RALYL: variants seen among roughly 807,000 people sequenced by gnomAD.
The protein encoded by RALYL is RALY RNA binding protein like.
In RALYL, 29 loss-of-function variants were observed where a neutral mutation model predicts 35.1. The observed-to-expected ratio is 0.83, with a 90% CI of 0.61 to 1.13. The LOEUF is 1.13. RALYL is among the 50% of genes most tolerant of loss of function. The pLI is 0.00. For synonymous variants in RALYL, 120 were observed against 127.6 expected (o/e 0.94, Z 0.40); for missense variants, 359 against 360.4 (o/e 1.00, Z 0.03).
At chr8:84,702,124 A>G (rs373674576) in intron 2 of RALYL, among the ~76,000 whole-genome samples, 51 of 152,214 alleles carry the variant, frequency 3.4e-4, no homozygotes, top group African/African-American at 1.2e-3. Context: ...GAAATAATGC[A>G]TATAACATTT....
intron 1 of RALYL, among the ~76,000 whole-genome samples, chr8:84,238,299 G>A (rs2131532585): frequency 6.6e-6 from 1 of 151,960 alleles, no homozygotes; most frequent in East Asian, 1.9e-4. Flanking sequence ...CATATTATGA[G>A]GGAAATTATT....
rs543930129 is a variant in RALYL, at chr8:84,688,118, GT to G, written c.257-86450del. Among the ~76,000 whole-genome samples, 597 of 146,746 alleles carry G rather than the reference GT, an allele frequency of 4.1e-3. 1 individual carries two copies. Among genetic ancestry groups the G allele is most frequent in the Non-Finnish European group, 4.4e-3 (290 of 66,314 alleles). On this transcript the variant is annotated intron_variant, in intron 2 of 8. Transcript: ENST00000521268. ...ACTAAGCTACTTCTCACTCCTCATA[GT>G]TTTTTTTTTTCTTTAGCTTAGGAAC...
intron 2 of RALYL, among the ~76,000 whole-genome samples, chr8:84,721,980 T>TGCAGG (rs1373537785): frequency 6.6e-6 from 1 of 152,110 alleles, no homozygotes; most frequent in African/African-American, 2.4e-5. Flanking sequence ...TTAAAGTTAT[T>TGCAGG]GCAGGTGAAA....
intron 2 of RALYL, among the ~76,000 whole-genome samples, chr8:84,549,112 C>T (rs1588121686): frequency 6.6e-6 from 1 of 152,276 alleles, no homozygotes; most frequent in East Asian, 1.9e-4. Context: ...CTTTCTCCCA[C>T]ACAGATACAG....
At chr8:84,732,683 T>TATATATATATACACACACACAC in intron 2 of RALYL, among the ~76,000 whole-genome samples, 2 of 133,234 alleles carry the variant, frequency 1.5e-5, no homozygotes. Flanking sequence ...TATATATATA[T>TATATATATATACACACACACAC]ACACACACAC....
chr8:84,888,524 C>T (rs553835929), intron 8 of RALYL, among the ~76,000 whole-genome samples: 5 of 152,160 alleles, frequency 3.3e-5, no homozygotes, highest in Admixed American at 1.3e-4. Flanking sequence ...GTATATATGT[C>T]GCCAACTTCC....
intron 2 of RALYL, among the ~76,000 whole-genome samples, chr8:84,745,680 C>T (rs1373454981): frequency 6.6e-6 from 1 of 151,860 alleles, no homozygotes; most frequent in Non-Finnish European, 1.5e-5. Flanking sequence ...CCTTCTAGGC[C>T]CTCTCCTCAA....
intron 1 of RALYL, among the ~76,000 whole-genome samples, chr8:84,275,433 G>C (rs1330972321): frequency 6.6e-6 from 1 of 151,504 alleles, no homozygotes; most frequent in East Asian, 1.9e-4. Flanking sequence ...TTTTTAAATT[G>C]ACAGATAAAA....
intron 1 of RALYL, among the ~76,000 whole-genome samples, chr8:84,505,835 T>A (rs189831460): frequency 2.6e-4 from 39 of 152,276 alleles, no homozygotes; most frequent in Admixed American, 2.6e-3. Context: ...TATTATTAGA[T>A]GGTAAGGTTA....
At chr8:84,497,936 C>T (rs2056246167) in intron 1 of RALYL, among the ~76,000 whole-genome samples, 1 of 147,496 alleles carries the variant, frequency 6.8e-6, no homozygotes, top group South Asian at 2.2e-4. Flanking sequence ...GAACCACGCC[C>T]AGCCTAAGGT....
At chr8:84,216,536 A>G (rs1820876601) in intron 1 of RALYL, among the ~76,000 whole-genome samples, 1 of 152,148 alleles carries the variant, frequency 6.6e-6, no homozygotes, top group Non-Finnish European at 1.5e-5. Flanking sequence ...CATCTCACAT[A>G]GTTTCTCTGT....
intron 1 of RALYL, among the ~76,000 whole-genome samples, chr8:84,206,935 AATC>A (rs140469481): frequency 3.0e-3 from 452 of 152,300 alleles, no homozygotes; most frequent in African/African-American, 0.01. Flanking sequence ...AATGTTACAT[AATC>A]ATCAGGAAAT....
intron 7 of RALYL, among the ~76,000 whole-genome samples, chr8:84,882,870 A>G (rs2135378227): frequency 6.6e-6 from 1 of 152,186 alleles, no homozygotes; most frequent in South Asian, 2.1e-4. Context: ...GTAAAATTAG[A>G]TAATTATTCA....
intron 2 of RALYL, among the ~76,000 whole-genome samples, chr8:84,703,840 A>G (rs1840652011): frequency 6.6e-6 from 1 of 152,190 alleles, no homozygotes; most frequent in Admixed American, 6.5e-5. Flanking sequence ...AATAGCTTTT[A>G]TAAAGGAGAC....
chr8:84,453,678 T>C (rs1052496979), intron 1 of RALYL, among the ~76,000 whole-genome samples: 1 of 152,034 alleles, frequency 6.6e-6, no homozygotes, highest in Admixed American at 6.6e-5. Flanking sequence ...ATGCTGATAT[T>C]GTCTGAATTC....
In RALYL at chr8:84,529,319, A is replaced by G. The variant is rs1470828369; in HGVS notation, c.-3A>G. ...TTAAGGATTAAAGCAAGGAGAGCCA[A>G]TCATGACTGGCAAAACACAGACCAG... On this transcript the variant is annotated 5_prime_UTR_variant, in exon 2 of 9. Coordinates refer to ENST00000521268, the MANE Select transcript of RALYL (RefSeq NM_173848.7). 4 of 1,566,638 alleles carry G rather than the reference A, an allele frequency of 2.6e-6. No individual in the cohort carries two copies. Among genetic ancestry groups the G allele is most frequent in the South Asian group, 2.3e-5 (2 of 85,860 alleles).
intron 1 of RALYL, among the ~76,000 whole-genome samples, chr8:84,279,999 G>T (rs1486571028): frequency 6.6e-6 from 1 of 152,186 alleles, no homozygotes; most frequent in Admixed American, 6.6e-5. Flanking sequence ...ATAGATAACA[G>T]AATAATCTTG....
At chr8:84,270,618 A>T (rs1834124769) in intron 1 of RALYL, among the ~76,000 whole-genome samples, 1 of 151,554 alleles carries the variant, frequency 6.6e-6, no homozygotes, top group Non-Finnish European at 1.5e-5. Context: ...TTTCTATAAA[A>T]CATTATTACA....
intron 2 of RALYL, among the ~76,000 whole-genome samples, chr8:84,706,782 G>A (rs867336345): frequency 1.6e-4 from 25 of 152,062 alleles, no homozygotes; most frequent in Admixed American, 1.0e-3. Context: ...ACTATTTTAC[G>A]GTAAAGCAAT....
Sources: allele counts gnomAD v4.1 joint callset (sites outside exome capture counted in the v4.1 genomes callset), GRCh38; gene constraint gnomAD v4.1.1; transcripts MANE v1.5; gene names NCBI Gene and HGNC (gene_info 2026-07-23, HGNC 2026-07-21).